The following PCNX2 variants were observed in gnomAD, a reference collection of about 807,000 sequenced individuals.
PCNX2 encodes pecanex 2.
A neutral mutation model predicts 223.8 loss-of-function variants in PCNX2; 168 were observed. That is an observed-to-expected ratio of 0.75 (90% CI 0.66 to 0.85). The LOEUF (loss-of-function observed/expected upper bound fraction) is 0.85, where lower values mean the gene tolerates loss of function less well. Among genes scored for constraint, PCNX2 ranks in the 40% least tolerant of loss-of-function variants. The probability of loss-of-function intolerance (pLI) is 0.00; values close to 1 mark genes in which losing one functional copy is unlikely to be tolerated. For synonymous variants in PCNX2, 1,006 were observed against 1,052.6 expected (o/e 0.96, Z 0.86); for missense variants, 2,507 against 2,675.5 (o/e 0.94, Z 1.39).
intron 10 of PCNX2, among the ~76,000 whole-genome samples, chr1:233,219,057 G>A (rs1434993452): frequency 1.3e-5 from 2 of 152,070 alleles, no homozygotes; most frequent in African/African-American, 4.8e-5. Flanking sequence ...GTCTCACTGG[G>A]TGACTCTTGT....
chr1:233,050,998 TA>T (rs1015561047), intron 25 of PCNX2, among the ~76,000 whole-genome samples: 2 of 151,424 alleles, frequency 1.3e-5, no homozygotes, highest in Non-Finnish European at 2.9e-5. Flanking sequence ...ATAACCCCAT[TA>T]AAAAATGGGT....
At chr1:233,283,929 C>T (rs998471596) in intron 1 of PCNX2, among the ~76,000 whole-genome samples, 4 of 152,148 alleles carry the variant, frequency 2.6e-5, no homozygotes, top group African/African-American at 9.7e-5. Context: ...ACAATAGGGA[C>T]ATCTGGCTGA....
the PCNX2 span, among the ~76,000 whole-genome samples, chr1:233,312,840 A>G: frequency 6.6e-6 from 1 of 152,236 alleles, no homozygotes; most frequent in East Asian, 1.9e-4. Context: ...TAAGACTATT[A>G]TTTATATTGT....
At chr1:233,114,322 C>T (rs1385951962) in intron 21 of PCNX2, among the ~76,000 whole-genome samples, 4 of 152,106 alleles carry the variant, frequency 2.6e-5, no homozygotes, top group South Asian at 2.1e-4. Context: ...GGAAACAGAG[C>T]GTGGAGTCTC....
At chr1:233,071,986 AT>A (rs1450510617) in intron 23 of PCNX2, among the ~76,000 whole-genome samples, 1 of 152,088 alleles carries the variant, frequency 6.6e-6, no homozygotes, top group Non-Finnish European at 1.5e-5. Context: ...CCACTTTTTA[AT>A]GGGGTTGTTT....
chr1:233,148,737 C>A (rs1677616486), intron 19 of PCNX2, among the ~76,000 whole-genome samples: 1 of 152,296 alleles, frequency 6.6e-6, no homozygotes, highest in African/African-American at 2.4e-5. Flanking sequence ...TCTTAGAATC[C>A]TCCTACCAAT....
At chr1:233,314,167 A>C in the PCNX2 span, among the ~76,000 whole-genome samples, 1 of 152,204 alleles carries the variant, frequency 6.6e-6, no homozygotes, top group Admixed American at 6.5e-5. Flanking sequence ...TACTACAGAA[A>C]AGTTAAAGAC....
chr1:233,186,221 G>T lies in PCNX2; in HGVS notation c.3067-7046C>A, dbSNP rs12081776. Among the ~76,000 whole-genome samples, 593 of 152,032 alleles carry T rather than the reference G, an allele frequency of 3.9e-3. 2 individuals are homozygous for T. Among genetic ancestry groups the T allele is most frequent in the African/African-American group, 0.013 (555 of 41,466 alleles). On this transcript the variant is annotated intron_variant, in intron 15 of 33. Coordinates refer to ENST00000258229, the MANE Select transcript of PCNX2 (RefSeq NM_014801.4). ...TTTTAAAGAAACTGATTTTTTTATC[G>T]CATTAAACATAGGGACATTTTTGAG... is the stretch of plus-strand genomic sequence containing the variant.
rs775420128 is a variant in PCNX2 at position 232,990,858 on chromosome 1, C to T, written c.5792-4318G>A. 3.9e-5 allele frequency among the ~76,000 whole-genome samples: 6 copies of T among 152,172 alleles called. No homozygotes were observed. Among genetic ancestry groups the T allele is most frequent in the Non-Finnish European group, 8.8e-5 (6 of 68,034 alleles). On this transcript the variant is annotated intron_variant, in intron 32 of 33. Coordinates refer to ENST00000258229, the MANE Select transcript of PCNX2 (RefSeq NM_014801.4). This position sits in a 1 kb window ranked among gnomAD's most constrained non-coding sequence, Gnocchi z 4.3. ...TCTTCCCCAGGGTCGTCTCCCAGGG[C>T]GGACCTTGGGCCTACTTGCAGGCAC...
At chr1:233,210,572 C>T in intron 12 of PCNX2, 1 of 985,074 alleles carries the variant, frequency 1.0e-6, no homozygotes, top group South Asian at 4.7e-5. Flanking sequence ...AGCCACTGTG[C>T]CTGGCCACTA....
chr1:233,006,194 G>A (rs879408915), intron 28 of PCNX2, among the ~76,000 whole-genome samples: 7 of 152,140 alleles, frequency 4.6e-5, no homozygotes, highest in Non-Finnish European at 1.0e-4. Flanking sequence ...AAAATGTCAC[G>A]CTTTCAGATG....
Position 233,179,115 on chromosome 1 carries a change from C to T in PCNX2, c.3127G>A (p.Ala1043Thr), listed in dbSNP as rs201315801. The T allele has an allele frequency of 8.8e-5, 142 of 1,613,778 alleles. No homozygotes were observed. The African/African-American group carries it at 1.0e-3, about 12-fold the overall frequency. ...TGACGGCTCAGATGGTAAGAAAGGGCGACCAAGAGGCCACAGAAGGCCGAA... is the reference window on the plus strand; with the variant it reads ...TGACGGCTCAGATGGTAAGAAAGGGTGACCAAGAGGCCACAGAAGGCCGAA... ...LFSAFCGLLV[A>T]LSYHLSRQSS... The change falls in exon 16 of 34, where the codon GCC becomes ACC. Residue 1043 changes from alanine (A) to threonine (T), a missense_variant. Physicochemically the swap from Ala to Thr is moderately conservative, Grantham distance 58. This residue lies in a region of PCNX2 where 1,372 missense variants were observed against 1,509.4 expected (regional missense o/e 0.91). Coordinates refer to ENST00000258229, the MANE Select transcript of PCNX2 (RefSeq NM_014801.4).
At chr1:233,231,759 T>G in intron 9 of PCNX2, 1 of 715,736 alleles carries the variant, frequency 1.4e-6, no homozygotes, top group Non-Finnish European at 1.7e-6. Flanking sequence ...GTAGGGACTC[T>G]GGTGTTAGAA....
intron 32 of PCNX2, among the ~76,000 whole-genome samples, chr1:232,987,061 C>G (rs1392762413): frequency 2.0e-5 from 3 of 152,220 alleles, no homozygotes; most frequent in African/African-American, 7.2e-5. Flanking sequence ...GGGAGGAGAG[C>G]TGAAAGCCCA....
chr1:233,019,102 C>T (rs1287498426), intron 26 of PCNX2: 17 of 985,036 alleles, frequency 1.7e-5, no homozygotes, highest in Non-Finnish European at 1.8e-5. Flanking sequence ...TTTTTTAGGA[C>T]TTTAGCAGGT....
intron 25 of PCNX2, 92 bp downstream of exon 25, chr1:233,054,176 C>A: frequency 8.5e-7 from 1 of 1,170,338 alleles, no homozygotes; most frequent in East Asian, 2.5e-5. Flanking sequence ...TTAAGTTTTT[C>A]CTGTTTAACA....
At chr1:233,089,946 G>A (rs1470701358) in intron 23 of PCNX2, 115 bp downstream of exon 23, 3 of 1,529,100 alleles carry the variant, frequency 2.0e-6, no homozygotes, top group African/African-American at 2.8e-5. Flanking sequence ...GGTTTGGCCT[G>A]GCCCCACAGC....
At chr1:233,170,435 T>C (rs1679081929) in intron 17 of PCNX2, among the ~76,000 whole-genome samples, 1 of 152,222 alleles carries the variant, frequency 6.6e-6, no homozygotes, top group Non-Finnish European at 1.5e-5. Flanking sequence ...TGGCCATTTA[T>C]ATTTCCTCAT....
intron 13 of PCNX2, among the ~76,000 whole-genome samples, chr1:233,200,999 C>G (rs1681061589): frequency 2.3e-5 from 3 of 132,336 alleles, no homozygotes; most frequent in African/African-American, 5.8e-5. Flanking sequence ...GCACTCCAGC[C>G]TGGGCGACAG....
Sources: allele counts gnomAD v4.1 joint callset (sites outside exome capture counted in the v4.1 genomes callset), GRCh38; gene constraint gnomAD v4.1.1; regional missense constraint gnomAD v4.1.1; non-coding constraint Gnocchi (gnomAD v3.1); transcripts MANE v1.5; gene names NCBI Gene and HGNC (gene_info 2026-07-23, HGNC 2026-07-21).